The following ERCC8 variants were observed in gnomAD, a reference collection of about 807,000 sequenced individuals.
ERCC8 encodes DNA excision repair protein ERCC-8.
A neutral mutation model predicts 54.9 loss-of-function variants in ERCC8; 52 were observed. The observed-to-expected ratio is 0.95, with a 90% CI of 0.76 to 1.19. The LOEUF is 1.19. ERCC8 is among the 50% of genes most tolerant of loss of function. ERCC8 has a pLI of 0.00. For synonymous variants in ERCC8, 146 were observed against 157.2 expected (o/e 0.93, Z 0.53); for missense variants, 514 against 466.1 (o/e 1.10, Z -0.95).
chr5:60,922,821 T>C (rs1749638521), intron 2 of ERCC8, among the ~76,000 whole-genome samples: 1 of 152,090 alleles, frequency 6.6e-6, no homozygotes, highest in African/African-American at 2.4e-5. Flanking sequence ...TACAATCCAA[T>C]AGGGAAAACA....
chr5:60,877,765 T>C (rs1487251980), intron 11 of ERCC8, among the ~76,000 whole-genome samples: 1 of 152,222 alleles, frequency 6.6e-6, no homozygotes, highest in Non-Finnish European at 1.5e-5. Flanking sequence ...CTTAAGGAGA[T>C]TTTGGGCTGA....
At chr5:60,916,459 T>G (rs781297220) in intron 4 of ERCC8, among the ~76,000 whole-genome samples, 4 of 152,102 alleles carry the variant, frequency 2.6e-5, no homozygotes, top group Non-Finnish European at 5.9e-5. Context: ...GGCAGCTTTA[T>G]AAAACCCTCA....
At chr5:60,938,350 ATTT>A (rs1231887020) in intron 1 of ERCC8, among the ~76,000 whole-genome samples, 2 of 41,042 alleles carry the variant, frequency 4.9e-5, no homozygotes, top group Non-Finnish European at 8.5e-5. Flanking sequence ...ACCTTTTTGA[ATTT>A]TTTTTTTTTT....
At chr5:60,880,926 G>A (rs1748196485) in intron 11 of ERCC8, among the ~76,000 whole-genome samples, 1 of 152,178 alleles carries the variant, frequency 6.6e-6, no homozygotes, top group South Asian at 2.1e-4. Context: ...TTCCTTTGGA[G>A]GAGGAGAGGT....
At chr5:60,938,237 A>G (rs1750147432) in intron 1 of ERCC8, among the ~76,000 whole-genome samples, 1 of 151,028 alleles carries the variant, frequency 6.6e-6, no homozygotes, top group African/African-American at 2.4e-5. Context: ...GTTTTCTGAA[A>G]TGTAATTATG....
intron 2 of ERCC8, chr5:60,924,613 TTG>T (rs1749696445): frequency 1.3e-5 from 2 of 154,600 alleles, no homozygotes; most frequent in African/African-American, 4.8e-5. Flanking sequence ...TCTTGAATTA[TTG>T]TTTTAATATT....
chr5:60,911,344 C>T (rs952795074), intron 4 of ERCC8, among the ~76,000 whole-genome samples: 4 of 151,958 alleles, frequency 2.6e-5, no homozygotes, highest in Non-Finnish European at 2.9e-5. Context: ...TCTCTGATGA[C>T]GAGTGATGAC....
In ERCC8 at chr5:60,871,280, T is replaced by C. The variant is rs1747858490; in HGVS notation, c.*3335A>G. 6.6e-6 allele frequency among the ~76,000 whole-genome samples: 1 copy of C among 152,218 alleles called. No individual in the cohort carries two copies. The highest frequency in any genetic ancestry group is 1.5e-5 in the Non-Finnish European group (1 of 68,034). ...TTCACAAAATGCAGTATGATGCAGT[T>C]AACAAAAAGAATAACTTTGTTATAA... On this transcript the variant is annotated 3_prime_UTR_variant, in exon 12 of 12. Transcript: ENST00000676185.
intron 1 of ERCC8, among the ~76,000 whole-genome samples, chr5:60,938,111 C>T (rs1357193345): frequency 7.4e-5 from 9 of 121,204 alleles, no homozygotes; most frequent in South Asian, 2.6e-4. Context: ...TTTTAGGTTA[C>T]GAAGTTTCAT....
At chr5:60,893,455 G>T (rs149670262) in intron 9 of ERCC8, 2 of 962,402 alleles carry the variant, frequency 2.1e-6, no homozygotes, top group African/African-American at 3.2e-5. Flanking sequence ...GATCATTGGA[G>T]TGAACAAACT....
chr5:60,938,076 TATATATATATTTTA>T (rs1345353734), intron 1 of ERCC8, among the ~76,000 whole-genome samples: 3,227 of 31,008 alleles, frequency 0.1, 53 homozygotes, highest in Non-Finnish European at 0.15. Flanking sequence ...TATATATATA[TATATATATATTTTA>T]TTTTTTTTTT....
At chr5:60,895,566 T>C (rs1035395856) in intron 9 of ERCC8, among the ~76,000 whole-genome samples, 2 of 152,192 alleles carry the variant, frequency 1.3e-5, no homozygotes, top group Non-Finnish European at 2.9e-5. Flanking sequence ...ATAATCCATA[T>C]GAAAGCACCT....
At chr5:60,914,771 G>A (rs1749378360) in intron 4 of ERCC8, among the ~76,000 whole-genome samples, 3 of 146,772 alleles carry the variant, frequency 2.0e-5, no homozygotes, top group African/African-American at 7.5e-5. Flanking sequence ...TGGGGAACAG[G>A]GCAAGACTCT....
At chr5:60,944,882 T>C (rs2112557033) in intron 1 of ERCC8, 50 bp downstream of exon 1, 2 of 1,295,106 alleles carry the variant, frequency 1.5e-6, no homozygotes, top group Admixed American at 3.4e-5. Flanking sequence ...TTACAGTCAT[T>C]GGTCCAGATT....
intron 4 of ERCC8, chr5:60,909,955 C>T (rs1041796368): frequency 1.4e-5 from 2 of 146,476 alleles, no homozygotes; most frequent in East Asian, 2.0e-4. Context: ...AGCGAGACTC[C>T]GTCTAGAAAA....
intron 11 of ERCC8, among the ~76,000 whole-genome samples, chr5:60,881,457 G>A (rs554305696): frequency 3.9e-5 from 6 of 152,204 alleles, no homozygotes; most frequent in Non-Finnish European, 8.8e-5. Flanking sequence ...TGCCCCCAGA[G>A]GTGAAGTCTA....
chr5:60,908,917 T>A (rs1423422118), intron 4 of ERCC8, among the ~76,000 whole-genome samples: 16 of 152,240 alleles, frequency 1.1e-4, no homozygotes, highest in Middle Eastern at 6.8e-3. Context: ...CCATCTTTTA[T>A]GTGGGTGCAG....
At chr5:60,902,747 TTAAG>T (rs1313994861) in intron 6 of ERCC8, among the ~76,000 whole-genome samples, 4 of 152,018 alleles carry the variant, frequency 2.6e-5, no homozygotes, top group Non-Finnish European at 4.4e-5. Flanking sequence ...AAAAACAGAG[TTAAG>T]TAAGTCTTTC....
rs1047215570 is a variant in ERCC8 at position 60,871,234 on chromosome 5, G to A, written c.*3381C>T. ...ACATGTAGCCTTGAACAGGGGACCA[G>A]CTGAAAACAACTGGGGGACATTCAC... On this transcript the variant is annotated 3_prime_UTR_variant, in exon 12 of 12. Coordinates refer to ENST00000676185, the MANE Select transcript of ERCC8 (RefSeq NM_000082.4). 6.6e-6 allele frequency among the ~76,000 whole-genome samples: 1 copy of A among 152,198 alleles called. No homozygotes were observed. Among genetic ancestry groups the A allele is most frequent in the Non-Finnish European group, 1.5e-5 (1 of 68,042 alleles).
Sources: allele counts gnomAD v4.1 joint callset (sites outside exome capture counted in the v4.1 genomes callset), GRCh38; gene constraint gnomAD v4.1.1; transcripts MANE v1.5; gene names NCBI Gene and HGNC (gene_info 2026-07-23, HGNC 2026-07-21).